The following WWC1 variants were observed in gnomAD, a reference collection of about 807,000 sequenced individuals.
WWC1 encodes protein KIBRA.
A neutral mutation model predicts 138.4 loss-of-function variants in WWC1; 55 were observed. The observed-to-expected ratio is 0.40, with a 90% CI of 0.32 to 0.50. The LOEUF (loss-of-function observed/expected upper bound fraction) is 0.50. WWC1 is among the 20% of genes least tolerant of loss of function. The pLI, the probability that WWC1 is intolerant of heterozygous loss-of-function variation, is 0.72. For missense variants in WWC1, 1,226 were observed against 1,420.4 expected (o/e 0.86, Z 2.20); for synonymous variants, 524 against 564.9 (o/e 0.93, Z 1.03).
intron 1 of WWC1, among the ~76,000 whole-genome samples, chr5:168,339,751 T>C (rs7734379): frequency 0.58 from 87,574 of 151,984 alleles, 25,696 homozygotes; most frequent in South Asian, 0.66. Context: ...CAGATAATAG[T>C]ACATTTAAGT....
chr5:168,326,537 G>T (rs1287770978), intron 1 of WWC1, among the ~76,000 whole-genome samples: 1 of 150,410 alleles, frequency 6.6e-6, no homozygotes, highest in African/African-American at 2.5e-5. Context: ...AGTGTTATTT[G>T]TTGTTGTTGT....
At chr5:168,451,903 C>CT (rs3085192) in intron 17 of WWC1, among the ~76,000 whole-genome samples, 1,342 of 108,474 alleles carry the variant, frequency 0.012, 82 homozygotes, top group African/African-American at 0.044. Context: ...TTGTTGGTGT[C>CT]TTTTTTTTTT....
chr5:168,348,402 G>T (rs193202506), intron 1 of WWC1, among the ~76,000 whole-genome samples: 1 of 152,226 alleles, frequency 6.6e-6, no homozygotes, highest in Non-Finnish European at 1.5e-5. Flanking sequence ...AGTGACCCAG[G>T]CTCCTTTAAT....
At chr5:168,414,754 A>G in intron 9 of WWC1, 164 bp downstream of exon 9, 1 of 1,087,742 alleles carries the variant, frequency 9.2e-7, no homozygotes. Context: ...ATCAGGAAAG[A>G]TGGTTTGCCA....
At chr5:168,391,119 C>T (rs190822910) in intron 3 of WWC1, among the ~76,000 whole-genome samples, 128 of 152,322 alleles carry the variant, frequency 8.4e-4, no homozygotes, top group African/African-American at 2.8e-3. Flanking sequence ...CTTGGTTCCT[C>T]CACCCTCTAA....
rs1757651261 is a variant in WWC1 at position 168,471,013 on chromosome 5, A to G, written c.*1996A>G. 1 of 152,196 alleles carries G rather than the reference A, an allele frequency of 6.6e-6. No homozygotes were observed. The highest frequency in any genetic ancestry group is 2.1e-4 in the South Asian group (1 of 4,816). The allele number at this position is 152,196 out of a possible 1,614,324, so 9.4% of individuals were successfully genotyped here. A position where few individuals can be genotyped will look rare whatever the true frequency, so the allele number is the denominator to read the frequency against. On this transcript the variant is annotated 3_prime_UTR_variant, in exon 23 of 23. Coordinates refer to ENST00000265293, the MANE Select transcript of WWC1 (RefSeq NM_015238.3). The stretch of plus-strand genomic sequence containing the variant: ...GAGTGAAACCCAGGCAGAGACAGGC[A>G]AAATGGTGAGGCCCGCATCCTATTG...
chr5:168,389,871 C>A (rs569042686), intron 3 of WWC1, among the ~76,000 whole-genome samples: 8 of 152,192 alleles, frequency 5.3e-5, no homozygotes, highest in Admixed American at 5.2e-4. Context: ...CCAGTATCAC[C>A]CCCACCCAAG....
chr5:168,420,446 C>A (rs997798029), intron 9 of WWC1, among the ~76,000 whole-genome samples: 1 of 152,142 alleles, frequency 6.6e-6, no homozygotes, highest in African/African-American at 2.4e-5. Flanking sequence ...AAAGCCCTAT[C>A]TCCAAATATA....
intron 5 of WWC1, among the ~76,000 whole-genome samples, chr5:168,405,019 C>T (rs140174163): frequency 2.0e-3 from 308 of 152,014 alleles, no homozygotes; most frequent in African/African-American, 6.9e-3. Flanking sequence ...TAGCTCATCA[C>T]AAGATTGCCC....
intron 12 of WWC1, among the ~76,000 whole-genome samples, chr5:168,428,373 G>A (rs1417244046): frequency 6.6e-6 from 1 of 152,046 alleles, no homozygotes; most frequent in Non-Finnish European, 1.5e-5. Flanking sequence ...TGGTAGCTAC[G>A]AAAAAGGTAT....
chr5:168,376,757 A>T (rs561182243), intron 2 of WWC1, among the ~76,000 whole-genome samples: 43 of 152,238 alleles, frequency 2.8e-4, no homozygotes, highest in Middle Eastern at 3.2e-3. Context: ...GAGAACTACT[A>T]AACACTGCTG....
intron 2 of WWC1, among the ~76,000 whole-genome samples, chr5:168,375,452 T>C (rs1777093072): frequency 6.6e-6 from 1 of 152,186 alleles, no homozygotes; most frequent in African/African-American, 2.4e-5. Flanking sequence ...GACCTGACTT[T>C]GGAGGGCAGC....
intron 11 of WWC1, among the ~76,000 whole-genome samples, chr5:168,424,410 T>C (rs1781355854): frequency 6.6e-6 from 1 of 152,220 alleles, no homozygotes. Context: ...CTAAGGATTC[T>C]GTGTTGAAGA....
At chr5:168,455,864 C>T (rs1436606320) in intron 19 of WWC1, among the ~76,000 whole-genome samples, 1 of 152,188 alleles carries the variant, frequency 6.6e-6, no homozygotes, top group African/African-American at 2.4e-5. Flanking sequence ...TCCTTCCCAC[C>T]TTCAGGGCAA....
intron 18 of WWC1, 30 bp from the exon 19 acceptor site, chr5:168,455,326 G>C (rs1293812804): frequency 6.5e-7 from 1 of 1,549,448 alleles, no homozygotes. Flanking sequence ...TGTGGACACT[G>C]GTGGCTTCAA....
chr5:168,467,284 GCTT>G (rs765287462), intron 21 of WWC1, among the ~76,000 whole-genome samples: 14 of 152,088 alleles, frequency 9.2e-5, no homozygotes, highest in Non-Finnish European at 1.6e-4. Context: ...AAAAACGATG[GCTT>G]TATTTACCAA....
chr5:168,420,490 G>A (rs549826941), intron 9 of WWC1, among the ~76,000 whole-genome samples: 3 of 152,216 alleles, frequency 2.0e-5, no homozygotes, highest in African/African-American at 7.2e-5. Context: ...TTAGGACTTC[G>A]ATGTAGGATT....
chr5:168,332,340 A>T (rs533719338), intron 1 of WWC1, among the ~76,000 whole-genome samples: 4 of 152,156 alleles, frequency 2.6e-5, no homozygotes, highest in Non-Finnish European at 4.4e-5. Flanking sequence ...GGCCATATCT[A>T]AAAAAAGTCT....
chr5:168,346,196 T>C (rs570017573), intron 1 of WWC1, among the ~76,000 whole-genome samples: 73 of 152,066 alleles, frequency 4.8e-4, no homozygotes, highest in Non-Finnish European at 1.0e-3. Flanking sequence ...AAGGGTTTGC[T>C]GAGGACTGAT....
Sources: gnomAD v4.1 joint callset for allele counts (sites outside exome capture counted in the v4.1 genomes callset) on GRCh38, gnomAD v4.1.1 for gene constraint, MANE v1.5 for transcripts, NCBI Gene and HGNC (gene_info 2026-07-23, HGNC 2026-07-21) for gene names.